Variants in DGKZ observed in about 807,000 individuals in gnomAD.
The protein encoded by DGKZ is DAG kinase zeta.
DGKZ carries 45 observed loss-of-function variants against 142.5 expected under a neutral mutation model. That is an observed-to-expected ratio of 0.32 (90% confidence interval 0.25 to 0.40). The LOEUF (loss-of-function observed/expected upper bound fraction) is 0.40, where lower values mean the gene tolerates loss of function less well. Ranked by LOEUF, DGKZ falls within the 10% of genes least tolerant of loss-of-function variation. DGKZ has a pLI of 1.00. For missense variants in DGKZ, 755 were observed against 1,306.5 expected, an observed-to-expected ratio of 0.58 and a Z score of 6.51; for synonymous variants, 442 against 527.0, an observed-to-expected ratio of 0.84 and a Z score of 2.21.
Position 46,371,668 on chromosome 11 carries a change from C to T in DGKZ, c.760-36C>T. On this transcript the variant is annotated intron_variant, in intron 8 of 30. Coordinates refer to ENST00000527911, the Ensembl canonical transcript of DGKZ. Reference sequence around the variant, plus strand: ...GGGGTCTGCCAGCTACCCCAGCCTGCCCACCTCGTCACCAACACCCCTGCT... The same window carrying T: ...GGGGTCTGCCAGCTACCCCAGCCTGTCCACCTCGTCACCAACACCCCTGCT... 4 of 1,613,786 alleles carry T rather than the reference C, an allele frequency of 2.5e-6. No homozygotes were observed. In the South Asian group the frequency reaches 4.4e-5, roughly 18 times the overall value.
upstream of DGKZ, among the ~76,000 whole-genome samples, chr11:46,344,042 C>T (rs1177744224): frequency 6.6e-6 from 1 of 151,980 alleles, no homozygotes; most frequent in Non-Finnish European, 1.5e-5. Context: ...CTCCGCCTCC[C>T]GAATTCAAAC....
Position 46,372,268 on chromosome 11 carries a change from C to A in DGKZ, c.927+98C>A. 1 of 1,360,504 alleles carries A rather than the reference C, an allele frequency of 7.4e-7. No homozygotes were observed. Among genetic ancestry groups the A allele is most frequent in the Non-Finnish European group, 1.0e-6 (1 of 988,120 alleles). The allele number at this position is 1,360,504 out of a possible 1,614,324, so 84.3% of individuals were successfully genotyped here. On this transcript the variant is annotated intron_variant, in intron 10 of 30. Coordinates refer to ENST00000527911, the Ensembl canonical transcript of DGKZ. This position sits in a 1 kb window ranked among gnomAD's most constrained non-coding sequence, Gnocchi z 5.9. Reference sequence around the variant, plus strand: ...TCCCAGAGCCCGTTTCTGGCTTCTACCCCAATCCCTCTTTCCCAGGGATCC... The same window carrying A: ...TCCCAGAGCCCGTTTCTGGCTTCTAACCCAATCCCTCTTTCCCAGGGATCC...
At position 46,376,139 on chromosome 11, in the gene DGKZ, C is replaced by T. The variant is rs753291323; in HGVS notation, c.2085C>T (p.Leu695=). 3 of 1,611,048 alleles carry T rather than the reference C, an allele frequency of 1.9e-6. No homozygotes were observed. In the African/African-American group the frequency reaches 4.0e-5, roughly 22 times the overall value. ...TCTGCCGTGCCCACATTGAGAGACT[C>T]CAGCAGGTAAGGGGTGGGGGCTTCC... Residue 695 remains leucine (L), a synonymous_variant, in exon 22 of 31, where the codon CTC becomes CTT. Coordinates refer to ENST00000527911, the Ensembl canonical transcript of DGKZ.
At position 46,372,327 on chromosome 11, in the gene DGKZ, C is replaced by G; in HGVS notation, c.928-101C>G. The G allele has an allele frequency of 7.2e-7, 1 of 1,396,154 alleles. No homozygotes were observed. The highest frequency in any genetic ancestry group is 1.8e-4 in the Middle Eastern group (1 of 5,546). 86.5% of individuals were successfully genotyped at this position (1,396,154 alleles called of 1,614,324 possible). On this transcript the variant is annotated intron_variant, in intron 10 of 30. Transcript: ENST00000527911. This position sits in a 1 kb window ranked among gnomAD's most constrained non-coding sequence, Gnocchi z 5.9. ...TCCTGTCCTTTCTCCACCCCTCACC[C>G]CTTATTGGCCCTGGTTCCCACAGTC...
At chr11:46,369,454 G>C in intron 4 of DGKZ, 40 bp from the exon 5 acceptor site, 5 of 1,613,328 alleles carry the variant, frequency 3.1e-6, no homozygotes, top group Non-Finnish European at 4.2e-6. Flanking sequence ...ACCCCGAAGG[G>C]AGGTTCTGAC....
intron 20 of DGKZ, 55 bp from the exon 21 acceptor site, chr11:46,375,796 G>A: frequency 1.3e-6 from 2 of 1,538,628 alleles, no homozygotes; most frequent in Non-Finnish European, 1.8e-6. Context: ...CAGGCCGAGG[G>A]TGGCACCAAG....
At chr11:46,356,961 C>G (rs1221937664) in intron 1 of DGKZ, among the ~76,000 whole-genome samples, 1 of 152,116 alleles carries the variant, frequency 6.6e-6, no homozygotes, top group East Asian at 1.9e-4. Context: ...AGAGAGGAGG[C>G]TGGGAGGCCT....
chr11:46,351,434 G>A (rs3802886), intron 1 of DGKZ, among the ~76,000 whole-genome samples: 7 of 152,334 alleles, frequency 4.6e-5, no homozygotes, highest in East Asian at 3.9e-4. Context: ...ACTGCCACAC[G>A]GCCCCAGCGA....
At chr11:46,376,657 G>T in intron 24 of DGKZ, 93 bp downstream of exon 24, 1 of 1,508,750 alleles carries the variant, frequency 6.6e-7, no homozygotes, top group Non-Finnish European at 9.1e-7. Context: ...CCCCCGATGG[G>T]CTCACCTCTG....
intron 1 of DGKZ, among the ~76,000 whole-genome samples, chr11:46,335,140 C>G (rs961424024): frequency 1.3e-5 from 2 of 151,930 alleles, no homozygotes; most frequent in Non-Finnish European, 2.9e-5. Flanking sequence ...ATGGTGAAAC[C>G]CTGTCTCTAC....
intron 21 of DGKZ, 25 bp from the exon 22 acceptor site, chr11:46,376,041 T>A: frequency 6.2e-7 from 1 of 1,612,120 alleles, no homozygotes; most frequent in Non-Finnish European, 8.5e-7. Context: ...TGCAGCCAGC[T>A]GCTGACAGGT....
At chr11:46,333,499 G>A (rs762937344) in intron 1 of DGKZ, 2 of 1,542,090 alleles carry the variant, frequency 1.3e-6, no homozygotes, top group East Asian at 2.5e-5. Flanking sequence ...TAAGGAGGAC[G>A]TGGGCAGAGG....
chr11:46,378,727 T>G, intron 27 of DGKZ: 1 of 839,934 alleles, frequency 1.2e-6, no homozygotes, highest in Non-Finnish European at 2.0e-6. Context: ...CACCTGTCCC[T>G]GGTGCTTAGA....
At chr11:46,371,654 G>A (rs1206150991) in intron 8 of DGKZ, 50 bp from the exon 9 acceptor site, 2 of 1,613,462 alleles carry the variant, frequency 1.2e-6, no homozygotes, top group Non-Finnish European at 1.7e-6. Flanking sequence ...GGGTCTGCCA[G>A]CTACCCCAGC....
Position 46,376,404 on chromosome 11 carries a change from C to G in DGKZ, c.2161+7C>G, listed in dbSNP as rs775641598. 1.9e-6 allele frequency: 3 copies of G among 1,614,000 alleles called. No homozygotes were observed. The African/African-American group carries it at 4.0e-5, about 22-fold the overall frequency. On this transcript the variant is annotated splice_region_variant and intron_variant, in intron 23 of 30. Coordinates refer to ENST00000527911, the Ensembl canonical transcript of DGKZ. ...AAGTGGTGCTTCCTGGACGGTGAGT[C>G]TACTCCCAGGGTGCCAAGCTGTTTC...
intron 24 of DGKZ, 175 bp downstream of exon 24, chr11:46,376,739 G>A: frequency 2.2e-6 from 2 of 892,570 alleles, no homozygotes; most frequent in Non-Finnish European, 1.7e-6. Context: ...CTCCACACTG[G>A]AGAGTATAGG....
chr11:46,365,598 T>A (rs1438198355), intron 1 of DGKZ: 1 of 985,234 alleles, frequency 1.0e-6, no homozygotes, highest in African/African-American at 1.7e-5. Context: ...AGACCCTCTC[T>A]ATTTCCAGGA....
At chr11:46,369,829 C>T in intron 5 of DGKZ, 112 bp from the exon 6 acceptor site, 1 of 1,178,922 alleles carries the variant, frequency 8.5e-7, no homozygotes, top group South Asian at 1.3e-5. Flanking sequence ...CACTCATGCG[C>T]AGGACTGCAG....
chr11:46,379,132 C>A (rs773706771), intron 28 of DGKZ, 21 bp downstream of exon 28: 4 of 1,610,620 alleles, frequency 2.5e-6, no homozygotes, highest in Non-Finnish European at 3.4e-6. Context: ...CAGTGGAGCC[C>A]AGGGCCTGGG....
Sources: gnomAD v4.1 joint callset for allele counts (sites outside exome capture counted in the v4.1 genomes callset) on GRCh38, gnomAD v4.1.1 for gene constraint, Gnocchi (gnomAD v3.1) non-coding constraint, MANE v1.5 for transcripts, NCBI Gene and HGNC (gene_info 2026-07-23, HGNC 2026-07-21) for gene names.